The following RNF20 variants were observed in gnomAD, a reference collection of about 807,000 sequenced individuals.
The protein encoded by RNF20 is E3 ubiquitin-protein ligase BRE1A.
In RNF20, 84 loss-of-function variants were observed where a neutral mutation model predicts 126.2. The ratio of observed to expected loss-of-function variants is 0.67; its 90% confidence interval spans 0.56 to 0.80. The LOEUF (loss-of-function observed/expected upper bound fraction) is 0.80. RNF20 is among the 30% of genes least tolerant of loss of function. The pLI, the probability that RNF20 is intolerant of heterozygous loss-of-function variation, is 0.00. For synonymous variants in RNF20, 400 were observed against 414.3 expected (o/e 0.97, Z 0.42); for missense variants, 869 against 1,188.2 (o/e 0.73, Z 3.95).
chr9:101,558,827 T>A (rs897944352), intron 16 of RNF20, among the ~76,000 whole-genome samples: 5 of 151,952 alleles, frequency 3.3e-5, no homozygotes, highest in African/African-American at 1.2e-4. Flanking sequence ...ATGTATAGAT[T>A]TTTTTCTCCC....
In RNF20 at chr9:101,540,592, C is replaced by G; in HGVS notation, c.400C>G (p.Pro134Ala). 6.2e-7 allele frequency: 1 copy of G among 1,614,064 alleles called. No homozygotes were observed. The highest frequency in any genetic ancestry group is 1.1e-5 in the South Asian group (1 of 91,080). ...RKALVVPEPEPDSDSNQERKD... is the reference protein window; with the variant it reads ...RKALVVPEPEADSDSNQERKD... Reference sequence around the variant, plus strand: ...AGCCCTTGTTGTGCCTGAACCAGAACCAGACTCTGATAGCAATCAGGAGCG... The same window carrying G: ...AGCCCTTGTTGTGCCTGAACCAGAAGCAGACTCTGATAGCAATCAGGAGCG... Residue 134 changes from proline (P) to alanine (A), a missense_variant, in exon 4 of 20, where the codon CCA (proline) becomes GCA (alanine). Physicochemically the swap from Pro to Ala is conservative, Grantham distance 27. Transcript: ENST00000389120.
At chr9:101,538,632 G>C (rs1053346023) in intron 2 of RNF20, among the ~76,000 whole-genome samples, 2 of 152,144 alleles carry the variant, frequency 1.3e-5, no homozygotes, top group African/African-American at 4.8e-5. Flanking sequence ...AGCAAGAAGG[G>C]AAAGGCAATG....
At chr9:101,555,163 T>C (rs1265578624) in intron 15 of RNF20, among the ~76,000 whole-genome samples, 1 of 152,022 alleles carries the variant, frequency 6.6e-6, no homozygotes, top group African/African-American at 2.4e-5. Context: ...TTATAGTGAA[T>C]ATAAAATGAA....
Position 101,552,403 on chromosome 9 carries a change from T to G in RNF20, c.1551T>G (p.Ser517Arg). The G allele has an allele frequency of 6.2e-7, 1 of 1,605,424 alleles. No homozygotes were observed. Residue 517 changes from serine to arginine, a missense_variant, in exon 13 of 20, where the codon AGT becomes AGG. Coordinates refer to ENST00000389120, the MANE Select transcript of RNF20 (RefSeq NM_019592.7). The stretch of plus-strand genomic sequence containing the variant: ...CCCAGACACGCCTGCGTAGTGGTAG[T>G]GCCCTCCTGCAGTCCCAGTCTAGTA... Reference protein sequence around the residue: ...DLNKTRLRSGSALLQSQSSTE... With the variant: ...DLNKTRLRSGRALLQSQSSTE...
chr9:101,550,751 G>A lies in RNF20; in HGVS notation c.1238G>A (p.Arg413Lys), dbSNP rs117628734. The change falls in exon 10 of 20, where the codon AGA (arginine) becomes AAA (lysine). Residue 413 changes from arginine (R) to lysine (K), a missense_variant. Transcript: ENST00000389120. Reference protein sequence around the residue: ...DEARTLLHGTRGTHQHQVELI... With the variant: ...DEARTLLHGTKGTHQHQVELI... ...GCTCGGACCCTGCTTCATGGCACCA[G>A]AGGAACCCACCAGCACCAGGTTGAG... 3.8e-3 allele frequency: 6,167 copies of A among 1,614,184 alleles called. 21 individuals are homozygous for A. Among genetic ancestry groups the A allele is most frequent in the Non-Finnish European group, 4.7e-3 (5,556 of 1,180,018 alleles).
chr9:101,545,940 C>T (rs1166390567), intron 6 of RNF20, among the ~76,000 whole-genome samples: 1 of 152,094 alleles, frequency 6.6e-6, no homozygotes. Context: ...TACTGGGATA[C>T]CTGCAGTTTG....
At position 101,552,250 on chromosome 9, in the gene RNF20, T is replaced by G; in HGVS notation, c.1518T>G (p.Ser506=). 1.2e-6 allele frequency: 2 copies of G among 1,614,232 alleles called. No homozygotes were observed. Among genetic ancestry groups the G allele is most frequent in the Non-Finnish European group, 8.5e-7 (1 of 1,180,022 alleles). The change falls in exon 12 of 20, where the codon TCT becomes TCG. Residue 506 remains serine, a synonymous_variant. Transcript: ENST00000389120. Reference sequence around the variant, plus strand: ...AGCGGAAATTGAGAGAAGCCCAGTCTGACCTGAACAAGGTAACCAGAGGGA... The same window carrying G: ...AGCGGAAATTGAGAGAAGCCCAGTCGGACCTGAACAAGGTAACCAGAGGGA... ...RYKRKLREAQ[S]DLNKTRLRSG... is the part of the protein sequence containing the mutation.
At position 101,540,931 on chromosome 9, in the gene RNF20, T is replaced by C. The variant is rs1204983057; in HGVS notation, c.584T>C (p.Leu195Ser). ...VSQIVTVYDK[L>S]QEKVELLSRK... Reference sequence around the variant, plus strand: ...CAGATTGTGACTGTTTATGATAAATTGCAAGAAAAAGTGGAGCTCTTATCC... The same window carrying C: ...CAGATTGTGACTGTTTATGATAAATCGCAAGAAAAAGTGGAGCTCTTATCC... The change falls in exon 5 of 20, where the codon TTG becomes TCG. Residue 195 changes from leucine (L) to serine (S), a missense_variant. Physicochemically the swap from Leu to Ser is moderately radical, Grantham distance 145 (BLOSUM62 -2). This residue lies in a region of RNF20 where 103 missense variants were observed against 94.3 expected (regional missense o/e 1.09). Coordinates refer to ENST00000389120, the MANE Select transcript of RNF20 (RefSeq NM_019592.7). The C allele has an allele frequency of 1.2e-6, 2 of 1,614,014 alleles. No homozygotes were observed. Among genetic ancestry groups the C allele is most frequent in the Non-Finnish European group, 1.7e-6 (2 of 1,179,982 alleles).
chr9:101,552,686 A>G lies in RNF20; in HGVS notation c.1834A>G (p.Lys612Glu), dbSNP rs1403350745. 2 of 1,561,876 alleles carry G rather than the reference A, an allele frequency of 1.3e-6. No homozygotes were observed. Among genetic ancestry groups the G allele is most frequent in the Non-Finnish European group, 1.8e-6 (2 of 1,133,062 alleles). Reference sequence around the variant, plus strand: ...GAGAGATTCTGCTAAGGATAAAGAGAAAGGCAAACATGATGATGGACGGAA... The same window carrying G: ...GAGAGATTCTGCTAAGGATAAAGAGGAAGGCAAACATGATGATGGACGGAA... The part of the protein sequence containing the change: ...KERDSAKDKE[K>E]GKHDDGRKKE... Residue 612 changes from lysine (K) to glutamate (E), a missense_variant, in exon 13 of 20, where the codon AAA (lysine) becomes GAA (glutamate). Physicochemically the swap from Lys to Glu is moderately conservative, Grantham distance 56. Coordinates refer to ENST00000389120, the MANE Select transcript of RNF20 (RefSeq NM_019592.7).
intron 13 of RNF20, 93 bp downstream of exon 13, chr9:101,552,846 A>G: frequency 5.7e-6 from 7 of 1,227,680 alleles, no homozygotes; most frequent in Non-Finnish European, 7.9e-6. Context: ...GGCTTGTCTG[A>G]TCGTTTTAAT....
At chr9:101,541,670 ATTAT>A (rs1325238625) in intron 5 of RNF20, among the ~76,000 whole-genome samples, 2 of 152,172 alleles carry the variant, frequency 1.3e-5, no homozygotes, top group African/African-American at 2.4e-5. Flanking sequence ...ATATTATTTA[ATTAT>A]TAGTTACAGA....
In RNF20 at chr9:101,562,462, C is replaced by G; in HGVS notation, c.*40C>G. 6.4e-7 allele frequency: 1 copy of G among 1,566,964 alleles called. No individual in the cohort carries two copies. Among genetic ancestry groups the G allele is most frequent in the South Asian group, 1.1e-5 (1 of 87,410 alleles). ...AGAAGAGGAGCTGGCTAGTCAGGAA[C>G]TTATTCATTAACCACCAAACCTCTA... is the stretch of plus-strand genomic sequence containing the variant. On this transcript the variant is annotated 3_prime_UTR_variant, in exon 20 of 20. Coordinates refer to ENST00000389120, the MANE Select transcript of RNF20 (RefSeq NM_019592.7).
intron 15 of RNF20, 29 bp from the exon 16 acceptor site, chr9:101,557,355 A>G (rs1326147093): frequency 1.3e-6 from 2 of 1,548,686 alleles, no homozygotes; most frequent in Non-Finnish European, 1.8e-6. Flanking sequence ...AGATTCTTCT[A>G]AAATCAAATC....
At chr9:101,551,917 A>C in intron 11 of RNF20, 98 bp downstream of exon 11, 1 of 1,347,414 alleles carries the variant, frequency 7.4e-7, no homozygotes, top group Non-Finnish European at 1.0e-6. Context: ...ACTTCAACTC[A>C]GAAGTCATAA....
intron 9 of RNF20, 103 bp from the exon 10 acceptor site, chr9:101,550,503 T>C: frequency 8.0e-6 from 7 of 880,058 alleles, no homozygotes; most frequent in Non-Finnish European, 9.0e-6. Context: ...TATAAAATTG[T>C]CTCTCTTGTG....
chr9:101,540,134 C>G (rs1827235930), intron 2 of RNF20, 69 bp from the exon 3 acceptor site: 3 of 1,418,376 alleles, frequency 2.1e-6, no homozygotes, highest in Admixed American at 2.0e-5. Context: ...TAATTGTGAC[C>G]TTGTTGAGTT....
intron 6 of RNF20, among the ~76,000 whole-genome samples, chr9:101,545,260 G>A (rs1827330604): frequency 6.6e-6 from 1 of 152,194 alleles, no homozygotes; most frequent in Non-Finnish European, 1.5e-5. Flanking sequence ...AAGATAAAGT[G>A]ATGATAGGCC....
At chr9:101,540,441 C>G (rs962379485) in intron 3 of RNF20, 49 bp from the exon 4 acceptor site, 33 of 1,610,536 alleles carry the variant, frequency 2.0e-5, no homozygotes, top group Non-Finnish European at 2.8e-5. Flanking sequence ...CTCTTCATTT[C>G]CAAAGTTGTG....
chr9:101,546,767 G>C, intron 6 of RNF20, 53 bp from the exon 7 acceptor site: 1 of 1,597,570 alleles, frequency 6.3e-7, no homozygotes, highest in Non-Finnish European at 8.6e-7. Flanking sequence ...TAATATTATG[G>C]AATTTGGTCT....
Sources: allele counts gnomAD v4.1 joint callset (sites outside exome capture counted in the v4.1 genomes callset), GRCh38; gene constraint gnomAD v4.1.1; regional missense constraint gnomAD v4.1.1; transcripts MANE v1.5; gene names NCBI Gene and HGNC (gene_info 2026-07-23, HGNC 2026-07-21).